IGSF22: variants seen among roughly 807,000 people sequenced by gnomAD.
IGSF22 encodes immunoglobulin superfamily member 22.
IGSF22 carries 119 observed loss-of-function variants against 127.0 expected under a neutral mutation model. The ratio of observed to expected loss-of-function variants is 0.94; its 90% CI spans 0.81 to 1.09. IGSF22 has a LOEUF of 1.09. IGSF22 is among the 50% of genes least tolerant of loss of function. The pLI, the probability that IGSF22 is intolerant of heterozygous loss-of-function variation, is 0.00. For synonymous variants in IGSF22, 568 were observed against 664.7 expected, an observed-to-expected ratio of 0.85 and a Z score of 2.24; for missense variants, 1,518 against 1,716.6, an observed-to-expected ratio of 0.88 and a Z score of 2.04.
intron 4 of IGSF22, 120 bp downstream of exon 4, chr11:18,721,415 C>T: frequency 1.5e-6 from 2 of 1,336,022 alleles, no homozygotes; most frequent in Non-Finnish European, 2.1e-6. Context: ...AGCTGCTTTT[C>T]CCACTGCCCG....
intron 11 of IGSF22, among the ~76,000 whole-genome samples, 193 bp downstream of exon 11, chr11:18,715,239 T>A (rs1848440031): frequency 2.0e-5 from 3 of 151,626 alleles, no homozygotes; most frequent in Admixed American, 2.0e-4. Flanking sequence ...CTAGGAGGTA[T>A]AAATGTTTAG....
At chr11:18,711,395 A>G (rs181298841) in intron 15 of IGSF22, among the ~76,000 whole-genome samples, 1 of 152,206 alleles carries the variant, frequency 6.6e-6, no homozygotes, top group East Asian at 1.9e-4. Flanking sequence ...CATTTGCAGT[A>G]ATAATAATAT....
intron 17 of IGSF22, among the ~76,000 whole-genome samples, 176 bp downstream of exon 17, chr11:18,710,151 A>G (rs539536838): frequency 1.3e-5 from 2 of 152,210 alleles, no homozygotes; most frequent in East Asian, 3.9e-4. Context: ...CTGACTCTCA[A>G]TCTTTATTTG....
At chr11:18,711,964 A>G (rs1340704420) in intron 15 of IGSF22, 118 bp downstream of exon 15, 4 of 882,924 alleles carry the variant, frequency 4.5e-6, no homozygotes, top group Non-Finnish European at 6.9e-6. Context: ...GGTCTGTCTC[A>G]TGAGACAGCC....
chr11:18,712,147 G>T lies in IGSF22; in HGVS notation c.2333C>A (p.Ala778Glu). 6.4e-7 allele frequency: 1 copy of T among 1,551,716 alleles called. No homozygotes were observed. The highest frequency in any genetic ancestry group is 8.7e-7 in the Non-Finnish European group (1 of 1,147,002). The change falls in exon 15 of 23, where the codon GCA becomes GAA. Residue 778 changes from alanine to glutamate, a missense_variant. Around this residue, in one of 3 missense-constraint regions of IGSF22, gnomAD observed 1,456 missense variants for 1,644.9 expected, o/e 0.89. Transcript: ENST00000513874. Reference protein sequence around the residue: ...EGKAYQFRILAVNSEGVSDPL... With the variant: ...EGKAYQFRILEVNSEGVSDPL... The stretch of plus-strand genomic sequence containing the variant: ...GTCACTCACACCTTCTGAATTGACT[G>T]CCAGGATACGGAACTGGTAGGCTTT...
Position 18,705,822 on chromosome 11 carries a change from A to G in IGSF22, c.3905T>C (p.Val1302Ala). The change falls in exon 22 of 23, where the codon GTC (valine) becomes GCC (alanine). Residue 1302 changes from valine (V) to alanine (A), a missense_variant. By Grantham distance (64) the Val-to-Ala change is moderately conservative (BLOSUM62 0). Transcript: ENST00000513874. ...GKDRSSCTLT[V>A]YDKDDKSVVA... is the part of the protein sequence containing the mutation. ...GGACCCCGCGGCGCCCTCACCATAG[A>G]CGGTGAGCGTGCAGCTGCTGCGGTC... 1 of 1,545,064 alleles carries G rather than the reference A, an allele frequency of 6.5e-7. No individual in the cohort carries two copies. The highest frequency in any genetic ancestry group is 8.7e-7 in the Non-Finnish European group (1 of 1,144,518).
chr11:18,714,079 T>TGG lies in IGSF22; in HGVS notation c.1866_1867dup (p.His623ProfsTer18), dbSNP rs765263638. 2 of 1,614,264 alleles carry TGG rather than the reference T, an allele frequency of 1.2e-6. No individual in the cohort carries two copies. Among genetic ancestry groups the TGG allele is most frequent in the Non-Finnish European group, 1.7e-6 (2 of 1,180,038 alleles). Reference sequence around the variant, plus strand: ...GAAGGGGACCTTGATGTGGGCCGTGTGGCCTACCTTCACAGTGATGGCGTG... The same window carrying TGG: ...GAAGGGGACCTTGATGTGGGCCGTGTGGGGCCTACCTTCACAGTGATGGCGTG... On this transcript the variant is annotated frameshift_variant, in exon 14 of 23. Coordinates refer to ENST00000513874, the MANE Select transcript of IGSF22 (RefSeq NM_173588.4). LOFTEE classifies it high-confidence loss of function.
intron 4 of IGSF22, among the ~76,000 whole-genome samples, chr11:18,720,922 G>T (rs911233998): frequency 1.3e-5 from 2 of 152,160 alleles, no homozygotes; most frequent in Non-Finnish European, 1.5e-5. Flanking sequence ...ACGGGAAATC[G>T]GGTCAGGACC....
rs965749304 is a variant in IGSF22 at position 18,712,151 on chromosome 11, G to C, written c.2329C>G (p.Leu777Val). ...EEGKAYQFRI[L>V]AVNSEGVSDP... ...CTCACACCTTCTGAATTGACTGCCA[G>C]GATACGGAACTGGTAGGCTTTTCCC... The change falls in exon 15 of 23, where the codon CTG becomes GTG. Residue 777 changes from leucine to valine, a missense_variant. Physicochemically the swap from Leu to Val is conservative, Grantham distance 32. Coordinates refer to ENST00000513874, the MANE Select transcript of IGSF22 (RefSeq NM_173588.4). 5 of 1,551,616 alleles carry C rather than the reference G, an allele frequency of 3.2e-6. No homozygotes were observed. Among genetic ancestry groups the C allele is most frequent in the Non-Finnish European group, 4.4e-6 (5 of 1,147,012 alleles).
chr11:18,714,581 C>T lies in IGSF22; in HGVS notation c.1575G>A (p.Ala525=), dbSNP rs753621035. 20 of 1,614,188 alleles carry T rather than the reference C, an allele frequency of 1.2e-5. No individual in the cohort carries two copies. Among genetic ancestry groups the T allele is most frequent in the Middle Eastern group, 1.6e-4 (1 of 6,062 alleles). The change falls in exon 12 of 23, where the codon GCG becomes GCA. Residue 525 remains alanine, a synonymous_variant. Coordinates refer to ENST00000513874, the MANE Select transcript of IGSF22 (RefSeq NM_173588.4). ...TVKSGMSDVH[A]ATGSPAELCV... ...ACAACTCAGCTGGGCTCCCAGTGGC[C>T]GCGTGCACGTCGGACATCCCGCTCT...
At chr11:18,715,775 T>C in intron 10 of IGSF22, 59 bp from the exon 11 acceptor site, 1 of 1,544,278 alleles carries the variant, frequency 6.5e-7, no homozygotes, top group Non-Finnish European at 8.8e-7. Context: ...TTTCTGCAGC[T>C]ATAGAGCCAA....
At chr11:18,715,831 A>G (rs1848453809) in intron 10 of IGSF22, 115 bp from the exon 11 acceptor site, 2 of 1,147,868 alleles carry the variant, frequency 1.7e-6, no homozygotes, top group East Asian at 4.8e-5. Context: ...AGAACTTGTG[A>G]TGCTGAATGT....
chr11:18,721,796 G>C, intron 3 of IGSF22, 114 bp downstream of exon 3: 1 of 1,584,616 alleles, frequency 6.3e-7, no homozygotes, highest in Non-Finnish European at 8.6e-7. Context: ...AGGAACCCTC[G>C]GCCAGGCTCT....
At chr11:18,725,003 CT>C (rs879338845) in intron 1 of IGSF22, among the ~76,000 whole-genome samples, 2,073 of 144,904 alleles carry the variant, frequency 0.014, 14 homozygotes, top group Non-Finnish European at 0.019. Flanking sequence ...TATCATCTTC[CT>C]TTTTTTTTTT....
intron 22 of IGSF22, among the ~76,000 whole-genome samples, chr11:18,705,150 T>TG (rs1848198804): frequency 2.4e-5 from 2 of 83,578 alleles, no homozygotes; most frequent in Admixed American, 3.0e-4. Context: ...AGATGAGAGG[T>TG]GGGGGAGGGG....
In IGSF22 at chr11:18,712,254, T is replaced by C. The variant is rs546203244; in HGVS notation, c.2226A>G (p.Ala742=). The C allele has an allele frequency of 3.1e-4, 488 of 1,551,756 alleles. 1 individual carries two copies. The Middle Eastern group carries it at 3.2e-3, about 10-fold the overall frequency. ...PVTQFIVERR[A]VGKKSWIKIG... is the part of the protein sequence containing the mutation. Reference sequence around the variant, plus strand: ...TCTTAATCCAGGACTTCTTGCCAACTGCCCTCCGTTCCACTATGAACTGTG... The same window carrying C: ...TCTTAATCCAGGACTTCTTGCCAACCGCCCTCCGTTCCACTATGAACTGTG... Residue 742 remains alanine (A), a synonymous_variant, in exon 15 of 23, where the codon GCA becomes GCG. Coordinates refer to ENST00000513874, the MANE Select transcript of IGSF22 (RefSeq NM_173588.4).
At position 18,706,150 on chromosome 11, in the gene IGSF22, C is replaced by A; in HGVS notation, c.3581-4G>T. 6.5e-7 allele frequency: 1 copy of A among 1,532,650 alleles called. No individual in the cohort carries two copies. The highest frequency in any genetic ancestry group is 2.0e-5 in the Admixed American group (1 of 50,676). The allele number at this position is 1,532,650 out of a possible 1,614,324, so 94.9% of individuals were successfully genotyped here. On this transcript the variant is annotated splice_polypyrimidine_tract_variant and splice_region_variant and intron_variant, in intron 21 of 22. Coordinates refer to ENST00000513874, the MANE Select transcript of IGSF22 (RefSeq NM_173588.4). ...AGCTTGGCGCTCAGGTCCTGGACTG[C>A]GCGGGCGGGGCGGGGCAGGCCGTGA...
At chr11:18,706,282 T>C (rs1848229281) in intron 21 of IGSF22, 136 bp from the exon 22 acceptor site, 1 of 845,266 alleles carries the variant, frequency 1.2e-6, no homozygotes, top group Non-Finnish European at 1.8e-6. Flanking sequence ...GGGGGCCCAA[T>C]GTTACACTGG....
rs1848648716 is a variant in IGSF22, at chr11:18,726,120, G to A, written c.-80C>T. The A allele has an allele frequency of 1.3e-5, 2 of 152,560 alleles. No individual in the cohort carries two copies. The highest frequency in any genetic ancestry group is 2.4e-5 in the African/African-American group (1 of 41,572). The allele number at this position is 152,560 out of a possible 1,614,324, so 9.5% of individuals were successfully genotyped here. A position where few individuals can be genotyped will look rare whatever the true frequency, so the allele number is the denominator to read the frequency against. On this transcript the variant is annotated 5_prime_UTR_variant, in exon 1 of 23. Transcript: ENST00000513874. ...CCCAACACTCGAATGCTGTGTCCAC[G>A]GCTTTGGAGGCTCAGCTAGTGCCTG...
Sources: allele counts gnomAD v4.1 joint callset (sites outside exome capture counted in the v4.1 genomes callset), GRCh38; gene constraint gnomAD v4.1.1; regional missense constraint gnomAD v4.1.1; transcripts MANE v1.5; gene names NCBI Gene and HGNC (gene_info 2026-07-23, HGNC 2026-07-21).